The following SLC24A2 variants were observed in gnomAD, a reference collection of about 807,000 sequenced individuals.
The protein encoded by SLC24A2 is sodium/potassium/calcium exchanger 2.
In SLC24A2, 36 loss-of-function variants were observed where a neutral mutation model predicts 62.0. That is an observed-to-expected ratio of 0.58 (90% CI 0.44 to 0.77). The LOEUF (loss-of-function observed/expected upper bound fraction) is 0.77. Among genes scored for constraint, SLC24A2 ranks in the 30% least tolerant of loss-of-function variants. The probability of loss-of-function intolerance (pLI) is 0.00; values close to 1 mark genes in which losing one functional copy is unlikely to be tolerated. For synonymous variants in SLC24A2, 358 were observed against 294.0 expected (o/e 1.22, Z -2.23); for missense variants, 846 against 817.9 (o/e 1.03, Z -0.42).
intron 7 of SLC24A2, among the ~76,000 whole-genome samples, chr9:19,557,988 G>C (rs1835183089): frequency 6.6e-6 from 1 of 151,816 alleles, no homozygotes; most frequent in Admixed American, 6.6e-5. Context: ...GCTAATTTTT[G>C]TTTATTTTTT....
At chr9:20,247,727 A>G in the SLC24A2 span, among the ~76,000 whole-genome samples, 1 of 152,214 alleles carries the variant, frequency 6.6e-6, no homozygotes, top group East Asian at 1.9e-4. Context: ...AATTTTCACA[A>G]TCAACTGTTT....
At chr9:19,793,113 A>G (rs1587334303), upstream of SLC24A2, among the ~76,000 whole-genome samples, 2 of 152,372 alleles carry the variant, frequency 1.3e-5, no homozygotes, top group East Asian at 3.9e-4. Flanking sequence ...GTGAATTAAG[A>G]TGATGGCAAA....
chr9:19,901,885 G>A, the SLC24A2 span, among the ~76,000 whole-genome samples: 1 of 152,162 alleles, frequency 6.6e-6, no homozygotes, highest in Non-Finnish European at 1.5e-5. Context: ...GTGTTGGTCA[G>A]TTAGTCAGTA....
At chr9:20,057,322 C>G in the SLC24A2 span, among the ~76,000 whole-genome samples, 1 of 152,110 alleles carries the variant, frequency 6.6e-6, no homozygotes, top group African/African-American at 2.4e-5. Flanking sequence ...ATGTACCTGG[C>G]CAAGTATTTT....
At chr9:19,893,392 C>T in the SLC24A2 span, among the ~76,000 whole-genome samples, 2 of 152,176 alleles carry the variant, frequency 1.3e-5, no homozygotes, top group Non-Finnish European at 1.5e-5. Flanking sequence ...GGCCTCAACA[C>T]CACACATCTT....
intron 2 of SLC24A2, among the ~76,000 whole-genome samples, chr9:19,725,685 CATAT>C (rs1211892262): frequency 2.0e-5 from 3 of 152,048 alleles, no homozygotes; most frequent in Non-Finnish European, 4.4e-5. Context: ...ATTAAAAATA[CATAT>C]AAAGGCCACC....
At chr9:19,899,900 T>G in the SLC24A2 span, among the ~76,000 whole-genome samples, 2 of 152,152 alleles carry the variant, frequency 1.3e-5, no homozygotes, top group East Asian at 1.9e-4. Context: ...TCCCACCAGG[T>G]CACTCCCACA....
At chr9:19,941,099 G>C in the SLC24A2 span, among the ~76,000 whole-genome samples, 4 of 152,194 alleles carry the variant, frequency 2.6e-5, no homozygotes, top group Non-Finnish European at 5.9e-5. Context: ...CACTGGCTGA[G>C]AGGAGGAAAG....
chr9:19,639,597 G>A (rs760018051), intron 2 of SLC24A2, among the ~76,000 whole-genome samples: 3 of 152,216 alleles, frequency 2.0e-5, no homozygotes, highest in Non-Finnish European at 2.9e-5. Context: ...CATGGGACAC[G>A]CCCAGGTGTT....
chr9:20,134,475 GAGTTGAGGCC>G, the SLC24A2 span, among the ~76,000 whole-genome samples: 110 of 152,274 alleles, frequency 7.2e-4, 2 homozygotes, highest in East Asian at 0.011. Flanking sequence ...ACTTCCAGCA[GAGTTGAGGCC>G]ATTGGGAGTC....
At chr9:19,996,745 CAAAAAA>C in the SLC24A2 span, among the ~76,000 whole-genome samples, 1 of 66,680 alleles carries the variant, frequency 1.5e-5, no homozygotes, top group Non-Finnish European at 3.0e-5. Context: ...GACTCCGTCT[CAAAAAA>C]AAAAAAAAAA....
chr9:20,256,009 G>T, the SLC24A2 span, among the ~76,000 whole-genome samples: 1 of 152,166 alleles, frequency 6.6e-6, no homozygotes, highest in Non-Finnish European at 1.5e-5. Flanking sequence ...ATCTGGTGAG[G>T]CCATTCTTTA....
chr9:20,307,017 C>G, the SLC24A2 span, among the ~76,000 whole-genome samples: 1 of 152,118 alleles, frequency 6.6e-6, no homozygotes, highest in South Asian at 2.1e-4. Context: ...CTTCATATCA[C>G]CCTCACAACT....
chr9:20,230,819 C>G, the SLC24A2 span, among the ~76,000 whole-genome samples: 3 of 152,118 alleles, frequency 2.0e-5, no homozygotes, highest in Admixed American at 6.5e-5. Flanking sequence ...ATGCCTATGT[C>G]CTGAATGGTA....
chr9:20,056,242 T>G, the SLC24A2 span, among the ~76,000 whole-genome samples: 1 of 152,178 alleles, frequency 6.6e-6, no homozygotes, highest in Non-Finnish European at 1.5e-5. Flanking sequence ...ATGTATATAT[T>G]CATGAATAAA....
At chr9:20,268,995 T>G in the SLC24A2 span, among the ~76,000 whole-genome samples, 3 of 152,210 alleles carry the variant, frequency 2.0e-5, no homozygotes, top group Admixed American at 6.5e-5. Context: ...GCTAAGGATT[T>G]TTGTTATTGT....
At chr9:20,116,250 A>G in the SLC24A2 span, among the ~76,000 whole-genome samples, 1 of 152,156 alleles carries the variant, frequency 6.6e-6, no homozygotes, top group Non-Finnish European at 1.5e-5. Context: ...AAATGTATCC[A>G]GACCTTTGAC....
intron 8 of SLC24A2, among the ~76,000 whole-genome samples, chr9:19,534,935 C>T (rs1420150792): frequency 2.6e-5 from 4 of 152,202 alleles, no homozygotes; most frequent in African/African-American, 7.2e-5. Context: ...AATTGCCACA[C>T]TGTCTTCCAC....
intron 8 of SLC24A2, among the ~76,000 whole-genome samples, chr9:19,541,383 C>T (rs1323899919): frequency 2.8e-4 from 42 of 151,552 alleles, no homozygotes; most frequent in South Asian, 1.0e-3. Context: ...GATGGGTTTT[C>T]GGTGTAGATG....
Sources: allele counts gnomAD v4.1 joint callset (sites outside exome capture counted in the v4.1 genomes callset), GRCh38; gene constraint gnomAD v4.1.1; transcripts MANE v1.5; gene names NCBI Gene and HGNC (gene_info 2026-07-23, HGNC 2026-07-21).